The following CADM2 variants were observed in gnomAD, a reference collection of about 807,000 sequenced individuals.
CADM2 encodes immunoglobulin superfamily member 4D.
Under a neutral mutation model 49.8 loss-of-function variants are expected in CADM2, and 12 were observed. The ratio of observed to expected loss-of-function variants is 0.24; its 90% CI spans 0.15 to 0.39. The LOEUF is 0.39. Ranked by LOEUF, CADM2 falls within the 10% of genes least tolerant of loss-of-function variation. CADM2 has a pLI of 1.00. For missense variants in CADM2, 378 were observed against 492.3 expected, an observed-to-expected ratio of 0.77 and a Z score of 2.20; for synonymous variants, 214 against 175.4, an observed-to-expected ratio of 1.22 and a Z score of -1.74.
At chr3:85,044,229 T>C (rs2035559385) in intron 1 of CADM2, among the ~76,000 whole-genome samples, 1 of 152,182 alleles carries the variant, frequency 6.6e-6, no homozygotes, top group East Asian at 1.9e-4. Context: ...AGAAGAAGCA[T>C]GTTTCCTATT....
At chr3:85,694,358 A>G (rs1338926975) in intron 1 of CADM2, among the ~76,000 whole-genome samples, 2 of 152,222 alleles carry the variant, frequency 1.3e-5, no homozygotes, top group African/African-American at 4.8e-5. Flanking sequence ...AGGGACACCA[A>G]TACACACAGA....
intron 1 of CADM2, among the ~76,000 whole-genome samples, chr3:85,337,751 A>G (rs1407589264): frequency 6.6e-6 from 1 of 151,518 alleles, no homozygotes; most frequent in Non-Finnish European, 1.5e-5. Context: ...GATTTTGGGT[A>G]TGCAGACCGG....
chr3:85,495,405 T>A (rs1443706815), intron 1 of CADM2, among the ~76,000 whole-genome samples: 1 of 152,098 alleles, frequency 6.6e-6, no homozygotes, highest in Non-Finnish European at 1.5e-5. Flanking sequence ...TGGATTCACA[T>A]CGTTATTTCT....
chr3:86,063,003 G>A (rs537654403), intron 8 of CADM2, among the ~76,000 whole-genome samples: 1 of 152,034 alleles, frequency 6.6e-6, no homozygotes, highest in Non-Finnish European at 1.5e-5. Flanking sequence ...ACTGGAAAAT[G>A]CCTAGTTCTA....
chr3:85,287,227 C>T (rs1286931695), intron 1 of CADM2, among the ~76,000 whole-genome samples: 2 of 151,696 alleles, frequency 1.3e-5, no homozygotes, highest in African/African-American at 4.8e-5. Flanking sequence ...CCCATCTAAT[C>T]CTTTGACAAA....
At chr3:85,121,569 A>C (rs1451864800) in intron 1 of CADM2, among the ~76,000 whole-genome samples, 1 of 152,194 alleles carries the variant, frequency 6.6e-6, no homozygotes, top group African/African-American at 2.4e-5. Flanking sequence ...GCTGACTCAA[A>C]TATGTCCATA....
chr3:85,910,986 A>G (rs952110757), intron 5 of CADM2, among the ~76,000 whole-genome samples: 1 of 152,128 alleles, frequency 6.6e-6, no homozygotes, highest in Non-Finnish European at 1.5e-5. Flanking sequence ...TGCGTAAGGC[A>G]CAAAGATAGA....
chr3:85,072,829 T>C (rs2036808163), intron 1 of CADM2, among the ~76,000 whole-genome samples: 1 of 152,090 alleles, frequency 6.6e-6, no homozygotes, highest in Non-Finnish European at 1.5e-5. Flanking sequence ...TAAAAATGAT[T>C]ACCTTAAAAA....
At chr3:85,583,567 G>A (rs1333968755) in intron 1 of CADM2, among the ~76,000 whole-genome samples, 1 of 151,968 alleles carries the variant, frequency 6.6e-6, no homozygotes, top group Non-Finnish European at 1.5e-5. Context: ...CATTCTAGAT[G>A]GTTGAAACTA....
chr3:85,867,492 G>C (rs556465793), intron 3 of CADM2, among the ~76,000 whole-genome samples: 6 of 152,082 alleles, frequency 3.9e-5, no homozygotes, highest in Admixed American at 3.9e-4. Context: ...CATTTATGCT[G>C]TTGCCAGTCT....
At chr3:85,519,741 T>C (rs546572223) in intron 1 of CADM2, among the ~76,000 whole-genome samples, 3 of 152,246 alleles carry the variant, frequency 2.0e-5, no homozygotes, top group African/African-American at 7.2e-5. Context: ...GAGTTAATTA[T>C]AGAGTTAAAG....
At chr3:85,109,123 G>A (rs954706375) in intron 1 of CADM2, among the ~76,000 whole-genome samples, 1 of 152,014 alleles carries the variant, frequency 6.6e-6, no homozygotes, top group Non-Finnish European at 1.5e-5. Flanking sequence ...AGATGTGGGA[G>A]GAGGGGGAAG....
At chr3:86,003,892 C>A (rs923752472) in intron 8 of CADM2, among the ~76,000 whole-genome samples, 9 of 152,034 alleles carry the variant, frequency 5.9e-5, no homozygotes, top group African/African-American at 9.7e-5. Context: ...AAATTGCGGA[C>A]CCAGTGTTGC....
At chr3:85,842,268 C>A (rs1197748995) in intron 3 of CADM2, among the ~76,000 whole-genome samples, 1 of 152,062 alleles carries the variant, frequency 6.6e-6, no homozygotes, top group Non-Finnish European at 1.5e-5. Context: ...TAGAGTAGAT[C>A]CACTGTGGCT....
intron 6 of CADM2, among the ~76,000 whole-genome samples, chr3:85,934,100 C>G (rs1022749943): frequency 6.6e-6 from 1 of 152,204 alleles, no homozygotes; most frequent in African/African-American, 2.4e-5. Context: ...AATTCTGTCT[C>G]CCAAAATTAT....
intron 1 of CADM2, among the ~76,000 whole-genome samples, chr3:85,153,865 T>G (rs1289987685): frequency 6.6e-6 from 1 of 152,116 alleles, no homozygotes; most frequent in Admixed American, 6.5e-5. Context: ...CCAACAGACC[T>G]GCAGCTGAGG....
chr3:85,673,854 G>A (rs1191023280), intron 1 of CADM2, among the ~76,000 whole-genome samples: 1 of 152,122 alleles, frequency 6.6e-6, no homozygotes, highest in Non-Finnish European at 1.5e-5. Context: ...TGCTAAATCA[G>A]AAATTCTCAG....
rs141556685 is a variant in CADM2 at position 85,869,787 on chromosome 3, T to C, written c.239-13504T>C. Among the ~76,000 whole-genome samples, 145 of 152,234 alleles carry C rather than the reference T, an allele frequency of 9.5e-4. 1 individual carries two copies. Among genetic ancestry groups the C allele is most frequent in the African/African-American group, 3.2e-3 (134 of 41,536 alleles). On this transcript the variant is annotated intron_variant, in intron 3 of 9. Transcript: ENST00000383699. ...CATTCTCTTCCCTCAGCCTCCCAAG[T>C]AGCTGGGACTACAGGTGCCCGCCAC... is the stretch of plus-strand genomic sequence containing the variant.
intron 1 of CADM2, among the ~76,000 whole-genome samples, chr3:85,027,767 T>A (rs1470597390): frequency 6.6e-6 from 1 of 152,156 alleles, no homozygotes; most frequent in Admixed American, 6.5e-5. Context: ...TTGAGATAGG[T>A]ATATTATAGA....
Sources: gnomAD v4.1 joint callset for allele counts (sites outside exome capture counted in the v4.1 genomes callset) on GRCh38, gnomAD v4.1.1 for gene constraint, MANE v1.5 for transcripts, NCBI Gene and HGNC (gene_info 2026-07-23, HGNC 2026-07-21) for gene names.